Variants in PRKCE observed in about 807,000 individuals in gnomAD.
PRKCE encodes the protein protein kinase C epsilon.
PRKCE carries 16 observed loss-of-function variants against 85.4 expected under a neutral mutation model. That is an observed-to-expected ratio of 0.19 (90% CI 0.13 to 0.28). The LOEUF (loss-of-function observed/expected upper bound fraction) is 0.28, where lower values mean the gene tolerates loss of function less well. Ranked by LOEUF, PRKCE falls within the 10% of genes least tolerant of loss-of-function variation. The pLI, the probability that PRKCE is intolerant of heterozygous loss-of-function variation, is 1.00. For synonymous variants in PRKCE, 388 were observed against 371.5 expected (o/e 1.04, Z -0.51); for missense variants, 573 against 975.2 (o/e 0.59, Z 5.49).
chr2:46,163,960 G>A (rs1678059323), intron 14 of PRKCE, among the ~76,000 whole-genome samples: 1 of 151,978 alleles, frequency 6.6e-6, no homozygotes, highest in South Asian at 2.1e-4. Flanking sequence ...GCCACTGAGA[G>A]ACACGGGGAA....
At chr2:45,676,679 C>T (rs985504906) in intron 1 of PRKCE, 6 of 152,270 alleles carry the variant, frequency 3.9e-5, no homozygotes, top group Admixed American at 3.3e-4. Flanking sequence ...TAATAGAAGG[C>T]TCAGCTCAGG....
At chr2:46,066,914 C>T (rs1467745426) in intron 10 of PRKCE, among the ~76,000 whole-genome samples, 1 of 152,150 alleles carries the variant, frequency 6.6e-6, no homozygotes, top group Non-Finnish European at 1.5e-5. Context: ...ACCATTTGAA[C>T]TGGTGGTTAA....
At chr2:45,714,638 C>T (rs1244904463) in intron 1 of PRKCE, among the ~76,000 whole-genome samples, 2 of 152,158 alleles carry the variant, frequency 1.3e-5, no homozygotes, top group African/African-American at 4.8e-5. Context: ...GTGAAAGGTC[C>T]TCTTGGCCCA....
At chr2:46,052,990 C>T (rs1159975583) in intron 10 of PRKCE, among the ~76,000 whole-genome samples, 2 of 152,214 alleles carry the variant, frequency 1.3e-5, no homozygotes, top group Non-Finnish European at 2.9e-5. Flanking sequence ...GGATTATAAA[C>T]CTAAACGTAA....
rs71394860 is a variant in PRKCE at position 45,869,706 on chromosome 2, C to CTT, written c.412+26661_412+26662dup. Among the ~76,000 whole-genome samples, 559 of 109,278 alleles carry CTT rather than the reference C, an allele frequency of 5.1e-3. 12 individuals carry two copies. The highest frequency in any genetic ancestry group is 0.014 in the African/African-American group (397 of 29,166). 71.7% of individuals were successfully genotyped at this position (109,278 alleles called of 152,430 possible). A position where few individuals can be genotyped will look rare whatever the true frequency, so the allele number is the denominator to read the frequency against. On this transcript the variant is annotated intron_variant, in intron 2 of 14. Coordinates refer to ENST00000306156, the MANE Select transcript of PRKCE (RefSeq NM_005400.3). ...TGTTTTTGTTTTTGTTTCTCTCTCT[C>CTT]TTTTTTTTTTTTTTTTTTTGAGTTG... is the stretch of plus-strand genomic sequence containing the variant.
chr2:45,876,586 C>A (rs1037879695), intron 2 of PRKCE, among the ~76,000 whole-genome samples: 1 of 152,234 alleles, frequency 6.6e-6, no homozygotes, highest in Non-Finnish European at 1.5e-5. Context: ...GCCTACCCTG[C>A]AGGCTTGATT....
intron 2 of PRKCE, among the ~76,000 whole-genome samples, chr2:45,894,058 A>T (rs543929131): frequency 3.3e-5 from 5 of 152,208 alleles, no homozygotes; most frequent in African/African-American, 4.8e-5. Flanking sequence ...GAGGCACCCA[A>T]ACACTGTCCT....
At chr2:46,056,023 C>A (rs1319097579) in intron 10 of PRKCE, among the ~76,000 whole-genome samples, 1 of 152,100 alleles carries the variant, frequency 6.6e-6, no homozygotes, top group East Asian at 1.9e-4. Flanking sequence ...CTTCAGGGGT[C>A]CATTTTTCTG....
intron 1 of PRKCE, among the ~76,000 whole-genome samples, chr2:45,796,464 T>C (rs1462014309): frequency 1.3e-5 from 2 of 152,214 alleles, no homozygotes; most frequent in African/African-American, 2.4e-5. Flanking sequence ...AATACAAGCA[T>C]TGGCTGCTAT....
chr2:45,677,628 GT>G (rs1210758852), intron 1 of PRKCE, among the ~76,000 whole-genome samples: 1 of 152,184 alleles, frequency 6.6e-6, no homozygotes, highest in African/African-American at 2.4e-5. Flanking sequence ...AGCAGTGAAG[GT>G]TTTTTAAGCA....
chr2:46,085,751 T>C, intron 10 of PRKCE, among the ~76,000 whole-genome samples: 1 of 12,544 alleles, frequency 8.0e-5, no homozygotes, highest in Non-Finnish European at 1.8e-4. Context: ...TTTTTTTTGT[T>C]TTTGTTTTTT....
intron 10 of PRKCE, among the ~76,000 whole-genome samples, chr2:46,021,481 A>T (rs1213128403): frequency 6.6e-6 from 1 of 152,178 alleles, no homozygotes; most frequent in Non-Finnish European, 1.5e-5. Context: ...TGACGTGGCC[A>T]TTCGCTTTCC....
At chr2:46,045,878 TA>T (rs35016183) in intron 10 of PRKCE, among the ~76,000 whole-genome samples, 14,293 of 146,630 alleles carry the variant, frequency 0.097, 816 homozygotes, top group Non-Finnish European at 0.13. Flanking sequence ...CTGTCTCAAA[TA>T]AAAAAAAAAG....
chr2:45,858,685 A>T (rs1173666775), intron 2 of PRKCE, among the ~76,000 whole-genome samples: 1 of 152,138 alleles, frequency 6.6e-6, no homozygotes, highest in Admixed American at 6.5e-5. Context: ...TGATTTTAGC[A>T]CCTAAATGTA....
chr2:46,163,236 G>C (rs964471018), intron 14 of PRKCE, among the ~76,000 whole-genome samples: 1 of 152,116 alleles, frequency 6.6e-6, no homozygotes, highest in Non-Finnish European at 1.5e-5. Context: ...GGGAAGTGGA[G>C]GGGCACCCCA....
intron 2 of PRKCE, among the ~76,000 whole-genome samples, chr2:45,942,443 T>C (rs1265189735): frequency 6.6e-6 from 1 of 152,148 alleles, no homozygotes; most frequent in African/African-American, 2.4e-5. Flanking sequence ...AAAGAGCAAG[T>C]CTCTTGTAAA....
intron 10 of PRKCE, among the ~76,000 whole-genome samples, chr2:46,061,654 C>G (rs1667134714): frequency 6.6e-6 from 1 of 151,986 alleles, no homozygotes; most frequent in Non-Finnish European, 1.5e-5. Flanking sequence ...GGGGGCCAAC[C>G]CCCAAGCCAC....
intron 1 of PRKCE, among the ~76,000 whole-genome samples, chr2:45,784,411 G>A (rs935934654): frequency 2.0e-5 from 3 of 152,226 alleles, no homozygotes; most frequent in South Asian, 2.1e-4. Flanking sequence ...CATTTGGAGA[G>A]CTTAAAAGAT....
rs1050916129 is a variant in PRKCE, at chr2:45,905,062, C to T, written c.412+61999C>T. ...GACACACAGGACTCACTGGATGCTA[C>T]GGTGTTAATCACACCACTGGTGCTT... On this transcript the variant is annotated intron_variant, in intron 2 of 14. Coordinates refer to ENST00000306156, the MANE Select transcript of PRKCE (RefSeq NM_005400.3). This position sits in a 1 kb window ranked among gnomAD's most constrained non-coding sequence, Gnocchi z 4.4. 5.9e-5 allele frequency among the ~76,000 whole-genome samples: 9 copies of T among 152,340 alleles called. No homozygotes were observed. Among genetic ancestry groups the T allele is most frequent in the Admixed American group, 2.0e-4 (3 of 15,312 alleles).
Sources: allele counts gnomAD v4.1 joint callset (sites outside exome capture counted in the v4.1 genomes callset), GRCh38; gene constraint gnomAD v4.1.1; non-coding constraint Gnocchi (gnomAD v3.1); transcripts MANE v1.5; gene names NCBI Gene and HGNC (gene_info 2026-07-23, HGNC 2026-07-21).